RDX: variants seen among roughly 807,000 people sequenced by gnomAD.
RDX encodes deafness, autosomal recessive 24.
In RDX, 32 loss-of-function variants were observed where a neutral mutation model predicts 83.7. That is an observed-to-expected ratio of 0.38 (90% CI 0.29 to 0.51). RDX has a LOEUF of 0.51. Ranked by LOEUF, RDX falls within the 20% of genes least tolerant of loss-of-function variation. The pLI, the probability that RDX is intolerant of heterozygous loss-of-function variation, is 0.87. For missense variants in RDX, 600 were observed against 689.9 expected (o/e 0.87, Z 1.46); for synonymous variants, 229 against 222.7 (o/e 1.03, Z -0.25).
At chr11:110,256,354 C>T (rs755623966) in intron 7 of RDX, among the ~76,000 whole-genome samples, 11 of 152,102 alleles carry the variant, frequency 7.2e-5, no homozygotes, top group Non-Finnish European at 1.3e-4. Context: ...CCTCTAATGG[C>T]CCCTGATATA....
chr11:110,232,158 G>T, intron 13 of RDX, 125 bp from the exon 14 acceptor site: 1 of 797,358 alleles, frequency 1.3e-6, no homozygotes, highest in Non-Finnish European at 2.0e-6. Flanking sequence ...TTTTTCTTTA[G>T]GTATAAGTTT....
At chr11:110,265,119 T>G (rs1354156527) in intron 3 of RDX, among the ~76,000 whole-genome samples, 6 of 150,740 alleles carry the variant, frequency 4.0e-5, no homozygotes, top group African/African-American at 1.5e-4. Context: ...GTTTTTTTTT[T>G]TTTTGTTCTT....
At chr11:110,279,163 A>G (rs1860647510) in intron 2 of RDX, among the ~76,000 whole-genome samples, 1 of 152,158 alleles carries the variant, frequency 6.6e-6, no homozygotes, top group Non-Finnish European at 1.5e-5. Flanking sequence ...AACCCTTACC[A>G]TACTCCCTTG....
chr11:110,251,733 A>C (rs1555041164), intron 9 of RDX, among the ~76,000 whole-genome samples: 1 of 152,220 alleles, frequency 6.6e-6, no homozygotes, highest in Non-Finnish European at 1.5e-5. Flanking sequence ...GTCATAATTC[A>C]ATTTGGATGC....
At chr11:110,240,736 C>T (rs1447509458) in intron 10 of RDX, among the ~76,000 whole-genome samples, 4 of 118,222 alleles carry the variant, frequency 3.4e-5, no homozygotes, top group Non-Finnish European at 5.0e-5. Flanking sequence ...CAGAGCAAGA[C>T]TCCGTCTCAA....
intron 1 of RDX, among the ~76,000 whole-genome samples, chr11:110,284,552 G>A (rs1040646552): frequency 6.7e-6 from 1 of 149,206 alleles, no homozygotes; most frequent in Non-Finnish European, 1.5e-5. Flanking sequence ...AGATGGTCTC[G>A]CTCTGTTGCC....
intron 1 of RDX, among the ~76,000 whole-genome samples, chr11:110,282,715 A>C (rs1860812048): frequency 6.6e-6 from 1 of 152,240 alleles, no homozygotes; most frequent in Non-Finnish European, 1.5e-5. Flanking sequence ...ATGGTGGCTC[A>C]CACCTGTAAT....
At chr11:110,216,377 AT>A (rs1449143075) in intron 14 of RDX, among the ~76,000 whole-genome samples, 327 of 143,490 alleles carry the variant, frequency 2.3e-3, no homozygotes, top group Non-Finnish European at 2.9e-3. Flanking sequence ...ACTTTTTCTA[AT>A]TTTTTTTTTT....
intron 9 of RDX, among the ~76,000 whole-genome samples, chr11:110,248,297 A>C (rs1252263713): frequency 6.6e-6 from 1 of 152,194 alleles, no homozygotes; most frequent in Non-Finnish European, 1.5e-5. Context: ...ACTAAGAAGA[A>C]ATGACAACAT....
chr11:110,294,951 T>C (rs1861386702), intron 1 of RDX, among the ~76,000 whole-genome samples: 1 of 152,230 alleles, frequency 6.6e-6, no homozygotes, highest in Non-Finnish European at 1.5e-5. Context: ...CAATGTCTAT[T>C]CATTCCTTGC....
At chr11:110,215,143 G>A (rs936308176) in intron 14 of RDX, among the ~76,000 whole-genome samples, 6 of 149,958 alleles carry the variant, frequency 4.0e-5, no homozygotes, top group Non-Finnish European at 8.9e-5. Context: ...GGCGGATCAC[G>A]AGGTCAGGAG....
rs968022497 is a variant in RDX at position 110,258,218 on chromosome 11, A to G, written c.468-29T>C. On this transcript the variant is annotated intron_variant, in intron 5 of 13. Coordinates refer to ENST00000645495, the MANE Select transcript of RDX (RefSeq NM_002906.4). The stretch of plus-strand genomic sequence containing the variant: ...AGAGGACCAAAAAAAAAAAAAAATT[A>G]TAATGACTTTAAGATTCAAAAGCAT... The G allele has an allele frequency of 2.9e-6, 4 of 1,387,370 alleles. No homozygotes were observed. In the African/African-American group the frequency reaches 5.8e-5, roughly 20 times the overall value. The allele number at this position is 1,387,370 out of a possible 1,614,324, so 85.9% of individuals were successfully genotyped here.
At position 110,265,120 on chromosome 11, in the gene RDX, T is replaced by G. The variant is rs997505494; in HGVS notation, c.97-246A>C. On this transcript the variant is annotated intron_variant, in intron 3 of 13. Transcript: ENST00000645495. ...AAGTTTTTTTTTTTGTTTTTTTTTT[T>G]TTTGTTCTTGTCACCCAGGCTGGGG... Among the ~76,000 whole-genome samples, 13 of 151,076 alleles carry G rather than the reference T, an allele frequency of 8.6e-5. No homozygotes were observed. In the South Asian group the frequency reaches 2.3e-3, roughly 27 times the overall value.
In RDX at chr11:110,257,873, G is replaced by C. The variant is rs771021876; in HGVS notation, c.592C>G (p.Leu198Val). The C allele has an allele frequency of 6.2e-7, 1 of 1,612,140 alleles. No individual in the cohort carries two copies. The highest frequency in any genetic ancestry group is 8.5e-7 in the Non-Finnish European group (1 of 1,178,690). ...AAATAGTTGACTCCATACATTTCTA[G>C]ATCTTGTGCAATCTTCAGGTATTCC... ...MMEYLKIAQD[L>V]EMYGVNYFEI... Residue 198 changes from leucine to valine, a missense_variant, in exon 7 of 14, where the codon CTA (leucine) becomes GTA (valine). Physicochemically the swap from Leu to Val is conservative, Grantham distance 32. Transcript: ENST00000645495.
At chr11:110,284,594 C>T (rs1860904648) in intron 1 of RDX, among the ~76,000 whole-genome samples, 1 of 151,638 alleles carries the variant, frequency 6.6e-6, no homozygotes, top group Non-Finnish European at 1.5e-5. Flanking sequence ...GATATCGGCT[C>T]ACTGCAAGCT....
chr11:110,274,929 G>T (rs1451469447), intron 2 of RDX, among the ~76,000 whole-genome samples: 1 of 152,156 alleles, frequency 6.6e-6, no homozygotes, highest in Non-Finnish European at 1.5e-5. Flanking sequence ...AATATACTCA[G>T]AATTCTTGAG....
At chr11:110,204,667 C>T (rs188641497) in intron 14 of RDX, among the ~76,000 whole-genome samples, 4 of 152,146 alleles carry the variant, frequency 2.6e-5, no homozygotes, top group Admixed American at 2.6e-4. Flanking sequence ...CAGGCACACG[C>T]CACCATGCCC....
At chr11:110,207,537 A>G (rs1049970597) in intron 14 of RDX, among the ~76,000 whole-genome samples, 1 of 152,188 alleles carries the variant, frequency 6.6e-6, no homozygotes, top group Non-Finnish European at 1.5e-5. Context: ...GTTTTTAAAA[A>G]CCTTTAACTC....
At chr11:110,175,807 T>C (rs1344054968) in intron 15 of RDX, among the ~76,000 whole-genome samples, 1 of 152,250 alleles carries the variant, frequency 6.6e-6, no homozygotes, top group African/African-American at 2.4e-5. Context: ...CAGTAAACTC[T>C]GGAGGAGATT....
Sources: allele counts gnomAD v4.1 joint callset (sites outside exome capture counted in the v4.1 genomes callset), GRCh38; gene constraint gnomAD v4.1.1; transcripts MANE v1.5; gene names NCBI Gene and HGNC (gene_info 2026-07-23, HGNC 2026-07-21).